The following FCRL2 variants were observed in gnomAD, a reference collection of about 807,000 sequenced individuals.
FCRL2 encodes the protein Fc receptor-like protein 2.
In FCRL2, 48 loss-of-function variants were observed where a neutral mutation model predicts 59.8. That is an observed-to-expected ratio of 0.80 (90% CI 0.64 to 1.02). The LOEUF is 1.02. FCRL2 is among the 50% of genes least tolerant of loss of function. The pLI, the probability that FCRL2 is intolerant of heterozygous loss-of-function variation, is 0.00. For missense variants in FCRL2, 658 were observed against 597.3 expected (o/e 1.10, Z -1.06); for synonymous variants, 251 against 229.5 (o/e 1.09, Z -0.85).
chr1:157,757,177 A>G (rs1379139757), intron 7 of FCRL2, among the ~76,000 whole-genome samples: 4 of 152,232 alleles, frequency 2.6e-5, no homozygotes, highest in Non-Finnish European at 5.9e-5. Flanking sequence ...CAATAACAAA[A>G]GTGACAGATT....
intron 7 of FCRL2, among the ~76,000 whole-genome samples, chr1:157,762,476 T>C (rs1649175950): frequency 1.3e-5 from 2 of 152,226 alleles, no homozygotes; most frequent in African/African-American, 4.8e-5. Flanking sequence ...ATTCGAATTA[T>C]TGGGGTCCCA....
chr1:157,762,971 T>A (rs939457887), intron 7 of FCRL2, among the ~76,000 whole-genome samples: 3 of 152,162 alleles, frequency 2.0e-5, no homozygotes, highest in Non-Finnish European at 4.4e-5. Context: ...GAAAGGACAA[T>A]ACTTACCATC....
intron 7 of FCRL2, among the ~76,000 whole-genome samples, chr1:157,765,498 A>T (rs1649422413): frequency 6.6e-6 from 1 of 152,170 alleles, no homozygotes; most frequent in African/African-American, 2.4e-5. Flanking sequence ...AAAAAAGAAA[A>T]CTACTGGCCA....
rs542671252 is a variant in FCRL2 at position 157,763,241 on chromosome 1, G to A, written c.1279+3614C>T. Among the ~76,000 whole-genome samples, 7 of 152,312 alleles carry A rather than the reference G, an allele frequency of 4.6e-5. No individual in the cohort carries two copies. In the South Asian group the frequency reaches 1.4e-3, roughly 32 times the overall value. ...TTAAATTCTTTACTTAAAATATATA[G>A]ATGGGGTGCCGTGGCTCATGCCTGT... On this transcript the variant is annotated intron_variant, in intron 7 of 11. Coordinates refer to ENST00000361516, the MANE Select transcript of FCRL2 (RefSeq NM_030764.4).
Position 157,746,762 on chromosome 1 carries a change from T to C in FCRL2, c.1501A>G (p.Ile501Val). ...TATGATTTCTTCACAGAAGAGTAGA[T>C]GACTTGGGAGTCCTGGGAGAGACAC... ...TLLENKDSQV[I>V]YSSVKKS Residue 501 changes from isoleucine to valine, a missense_variant, in exon 12 of 12, where the codon ATC becomes GTC. By Grantham distance (29) the Ile-to-Val change is conservative. Transcript: ENST00000361516. 1.9e-6 allele frequency: 3 copies of C among 1,614,010 alleles called. No homozygotes were observed. Among genetic ancestry groups the C allele is most frequent in the Non-Finnish European group, 2.5e-6 (3 of 1,179,892 alleles).
intron 2 of FCRL2, 115 bp from the exon 3 acceptor site, chr1:157,770,781 T>C: frequency 1.8e-6 from 2 of 1,101,340 alleles, no homozygotes; most frequent in East Asian, 5.1e-5. Context: ...AAGATGGAAG[T>C]TCCAATCCAT....
chr1:157,766,744 T>G (rs1649523549), intron 7 of FCRL2, 111 bp downstream of exon 7: 1 of 1,532,694 alleles, frequency 6.5e-7, no homozygotes, highest in Admixed American at 2.1e-5. Flanking sequence ...AAAAAGAAAT[T>G]ATTGGCTTTT....
intron 7 of FCRL2, among the ~76,000 whole-genome samples, chr1:157,758,680 C>CAAAAAAAAAAAAA: frequency 1.8e-5 from 1 of 55,402 alleles, no homozygotes; most frequent in Non-Finnish European, 3.4e-5. Context: ...CAGTCCCAAG[C>CAAAAAAAAAAAAA]AAAAAAAAAA....
At chr1:157,754,221 A>G (rs1450332172) in intron 7 of FCRL2, among the ~76,000 whole-genome samples, 1 of 152,170 alleles carries the variant, frequency 6.6e-6, no homozygotes, top group African/African-American at 2.4e-5. Context: ...CAGGTCATAA[A>G]GACCTTGATG....
intron 10 of FCRL2, among the ~76,000 whole-genome samples, chr1:157,747,167 C>T (rs1038606334): frequency 1.4e-4 from 21 of 152,170 alleles, no homozygotes; most frequent in African/African-American, 4.6e-4. Flanking sequence ...TAATTTTTTC[C>T]TCTTGACTTC....
At chr1:157,774,294 C>T in intron 2 of FCRL2, 1 of 371,616 alleles carries the variant, frequency 2.7e-6, no homozygotes, top group East Asian at 7.3e-5. Context: ...CTCAACAGGC[C>T]AGAAACTTTT....
chr1:157,768,731 C>A, intron 4 of FCRL2, 30 bp from the exon 5 acceptor site: 7 of 1,556,244 alleles, frequency 4.5e-6, no homozygotes, highest in Non-Finnish European at 6.1e-6. Flanking sequence ...CAGGTGAGAA[C>A]TCTAAGGGAA....
chr1:157,748,781 G>A, intron 9 of FCRL2, 94 bp downstream of exon 9: 3 of 1,247,580 alleles, frequency 2.4e-6, no homozygotes, highest in Non-Finnish European at 3.5e-6. Flanking sequence ...CTCTGGTGTT[G>A]GGGTGTCTAC....
intron 7 of FCRL2, among the ~76,000 whole-genome samples, chr1:157,752,738 A>G (rs1648288614): frequency 6.6e-6 from 1 of 152,224 alleles, no homozygotes; most frequent in African/African-American, 2.4e-5. Context: ...GTGAAAGCCT[A>G]TATAAGTAAA....
chr1:157,776,272 T>G (rs966573562), intron 1 of FCRL2, among the ~76,000 whole-genome samples: 3 of 152,190 alleles, frequency 2.0e-5, no homozygotes, highest in African/African-American at 7.2e-5. Context: ...ATTTAGTGCC[T>G]ACACAGCATA....
At chr1:157,755,579 T>C (rs1299267145) in intron 7 of FCRL2, among the ~76,000 whole-genome samples, 1 of 152,192 alleles carries the variant, frequency 6.6e-6, no homozygotes, top group African/African-American at 2.4e-5. Flanking sequence ...ATCGTAGCAT[T>C]GTGTGTCATG....
At chr1:157,749,811 A>C in intron 7 of FCRL2, 134 bp from the exon 8 acceptor site, 3 of 548,842 alleles carry the variant, frequency 5.5e-6, no homozygotes, top group Non-Finnish European at 9.8e-6. Flanking sequence ...TATTTCATCT[A>C]AATGGCTACT....
intron 7 of FCRL2, among the ~76,000 whole-genome samples, chr1:157,751,344 C>T (rs573140612): frequency 3.1e-4 from 47 of 152,158 alleles, no homozygotes; most frequent in Non-Finnish European, 5.7e-4. Context: ...AGATTTATAT[C>T]TCAAGGAGGC....
At position 157,746,736 on chromosome 1, in the gene FCRL2, T is replaced by C. The variant is rs1647774183; in HGVS notation, c.1527A>G (p.Ter509=). ...QVIYSSVKKS[*] The stretch of plus-strand genomic sequence containing the variant: ...TCTTCCCTTCTGATTCCTCCAAGTG[T>C]TATGATTTCTTCACAGAAGAGTAGA... The change falls in exon 12 of 12, where the codon TAA becomes TAG. Residue 509 remains the stop codon, a stop_retained_variant. Coordinates refer to ENST00000361516, the MANE Select transcript of FCRL2 (RefSeq NM_030764.4). 1 of 1,613,624 alleles carries C rather than the reference T, an allele frequency of 6.2e-7. No homozygotes were observed. Among genetic ancestry groups the C allele is most frequent in the Non-Finnish European group, 8.5e-7 (1 of 1,179,536 alleles).
Sources: allele counts gnomAD v4.1 joint callset (sites outside exome capture counted in the v4.1 genomes callset), GRCh38; gene constraint gnomAD v4.1.1; transcripts MANE v1.5; gene names NCBI Gene and HGNC (gene_info 2026-07-23, HGNC 2026-07-21).